The following PGBD5 variants were observed in gnomAD, a reference collection of about 807,000 sequenced individuals.
The protein encoded by PGBD5 is piggyBac transposable element-derived protein 5.
In PGBD5, 14 loss-of-function variants were observed where a neutral mutation model predicts 47.9. The ratio of observed to expected loss-of-function variants is 0.29; its 90% CI spans 0.19 to 0.46. The LOEUF (loss-of-function observed/expected upper bound fraction) is 0.46, where lower values mean the gene tolerates loss of function less well. Among genes scored for constraint, PGBD5 ranks in the 20% least tolerant of loss-of-function variants. The pLI, the probability that PGBD5 is intolerant of heterozygous loss-of-function variation, is 1.00. For synonymous variants in PGBD5, 316 were observed against 306.3 expected, an observed-to-expected ratio of 1.03 and a Z score of -0.33; for missense variants, 635 against 716.0, an observed-to-expected ratio of 0.89 and a Z score of 1.29.
chr1:230,328,008 C>T (rs1345081504), intron 5 of PGBD5, among the ~76,000 whole-genome samples: 1 of 152,210 alleles, frequency 6.6e-6, no homozygotes, highest in East Asian at 1.9e-4. Context: ...TGAGACCATC[C>T]CTATAAAGAA....
At position 230,350,983 on chromosome 1, in the gene PGBD5, C is replaced by T; in HGVS notation, c.869G>A (p.Cys290Tyr). 1 of 1,614,126 alleles carries T rather than the reference C, an allele frequency of 6.2e-7. No individual in the cohort carries two copies. ...KRKFSLWVRQ[C>Y]SSTGFIIQIY... ...CTGGATGATGAAGCCAGTGGAAGAA[C>T]ATTGTCTGACCCAGAGGCTGAATTT... Residue 290 changes from cysteine to tyrosine, a missense_variant, in exon 3 of 7, where the codon TGT becomes TAT. Coordinates refer to ENST00000391860, the MANE Select transcript of PGBD5 (RefSeq NM_001258311.2).
At chr1:230,363,142 C>T (rs575621468) in intron 1 of PGBD5, among the ~76,000 whole-genome samples, 29 of 152,288 alleles carry the variant, frequency 1.9e-4, no homozygotes, top group South Asian at 1.7e-3. Flanking sequence ...CACATGACCT[C>T]GCACACACAG....
chr1:230,424,883 C>A (rs930693415), intron 1 of PGBD5, among the ~76,000 whole-genome samples: 1 of 152,232 alleles, frequency 6.6e-6, no homozygotes, highest in African/African-American at 2.4e-5. Flanking sequence ...CAGCTGCCAG[C>A]ACCCTAGCCA....
At chr1:230,388,507 C>T (rs1034839046) in intron 1 of PGBD5, among the ~76,000 whole-genome samples, 5 of 151,856 alleles carry the variant, frequency 3.3e-5, no homozygotes, top group African/African-American at 1.2e-4. Flanking sequence ...GCTCTGCCTC[C>T]TGGGTTCACG....
At chr1:230,359,492 T>G (rs181446766) in intron 1 of PGBD5, among the ~76,000 whole-genome samples, 20 of 152,296 alleles carry the variant, frequency 1.3e-4, no homozygotes, top group African/African-American at 4.3e-4. Flanking sequence ...TTAAGAGAGA[T>G]AATGTGTATG....
rs1352211855 is a variant in PGBD5 at position 230,318,582 on chromosome 1, C to G, written c.*4843G>C. The stretch of plus-strand genomic sequence containing the variant: ...TCTTTCGTTTGGAACTCCCACTACA[C>G]AAGGCTAAGGCTTTCCACAGCCAAA... On this transcript the variant is annotated 3_prime_UTR_variant, in exon 7 of 7. Transcript: ENST00000391860. 6.6e-6 allele frequency: 1 copy of G among 152,270 alleles called. No homozygotes were observed. Among genetic ancestry groups the G allele is most frequent in the East Asian group, 1.9e-4 (1 of 5,184 alleles). 9.4% of individuals were successfully genotyped at this position (152,270 alleles called of 1,614,324 possible).
chr1:230,355,379 A>G (rs570588497), intron 2 of PGBD5, among the ~76,000 whole-genome samples: 2 of 152,356 alleles, frequency 1.3e-5, no homozygotes, highest in South Asian at 4.1e-4. Context: ...ATACCTCTTG[A>G]GAGATACTTA....
At chr1:230,362,364 T>C (rs747102933) in intron 1 of PGBD5, 2 of 1,366,420 alleles carry the variant, frequency 1.5e-6, no homozygotes, top group Middle Eastern at 2.1e-4. Context: ...TCCACAGCTG[T>C]CGCTGCCTCT....
intron 1 of PGBD5, among the ~76,000 whole-genome samples, chr1:230,377,889 A>G (rs1668038845): frequency 6.6e-6 from 1 of 152,208 alleles, no homozygotes; most frequent in Non-Finnish European, 1.5e-5. Flanking sequence ...GCTCTTTCTT[A>G]AAGACCAGTG....
chr1:230,405,194 CAAA>C (rs572023424), intron 1 of PGBD5, among the ~76,000 whole-genome samples: 1 of 120,066 alleles, frequency 8.3e-6, no homozygotes, highest in African/African-American at 3.1e-5. Flanking sequence ...GACTCCACCT[CAAA>C]AAAAAAAAAA....
At chr1:230,393,256 G>A (rs1030632452) in intron 1 of PGBD5, among the ~76,000 whole-genome samples, 5 of 142,874 alleles carry the variant, frequency 3.5e-5, no homozygotes, top group African/African-American at 1.3e-4. Context: ...AGAAGAGCAG[G>A]GAAAAGGGGG....
chr1:230,346,822 A>G (rs1667479859), intron 3 of PGBD5, among the ~76,000 whole-genome samples: 1 of 152,102 alleles, frequency 6.6e-6, no homozygotes, highest in African/African-American at 2.4e-5. Context: ...ATGTCGATGA[A>G]TATTTTTAAC....
At chr1:230,327,764 C>T (rs1026014982) in intron 5 of PGBD5, among the ~76,000 whole-genome samples, 2 of 152,242 alleles carry the variant, frequency 1.3e-5, no homozygotes, top group Non-Finnish European at 1.5e-5. Context: ...CAAGGACTGC[C>T]GTCTCTCTCC....
rs1424930635 is a variant in PGBD5, at chr1:230,316,817, G to GCCTT, written c.*6604_*6607dup. The GCCTT allele has an allele frequency of 6.6e-6, 1 of 152,182 alleles. No homozygotes were observed. The highest frequency in any genetic ancestry group is 1.5e-5 in the Non-Finnish European group (1 of 68,062). The allele number at this position is 152,182 out of a possible 1,614,324, so 9.4% of individuals were successfully genotyped here. On this transcript the variant is annotated 3_prime_UTR_variant, in exon 7 of 7. Transcript: ENST00000391860. ...AACTTATTCATGTTTAAGAGCTAGA[G>GCCTT]CCTTCCTTTTGGCTTGGGCATGACC...
chr1:230,382,067 C>T (rs1033793015), intron 1 of PGBD5, among the ~76,000 whole-genome samples: 4 of 148,046 alleles, frequency 2.7e-5, no homozygotes, highest in Admixed American at 1.3e-4. Context: ...TACTGTTGGA[C>T]GTTAGTACTG....
intron 3 of PGBD5, among the ~76,000 whole-genome samples, chr1:230,346,310 G>A (rs1008044465): frequency 1.9e-4 from 29 of 152,126 alleles, no homozygotes; most frequent in African/African-American, 7.0e-4. Flanking sequence ...CAAAGTGCTG[G>A]GATTACAGGT....
chr1:230,346,480 G>A lies in PGBD5; in HGVS notation c.894+4478C>T, dbSNP rs561362558. On this transcript the variant is annotated intron_variant, in intron 3 of 6. Coordinates refer to ENST00000391860, the MANE Select transcript of PGBD5 (RefSeq NM_001258311.2). Reference sequence around the variant, plus strand: ...TAGCAGTGGAACCCGACCAGCCTGGGTAAATAGCAGTGGGAAAGCCAAATA... The same window carrying A: ...TAGCAGTGGAACCCGACCAGCCTGGATAAATAGCAGTGGGAAAGCCAAATA... Among the ~76,000 whole-genome samples the A allele has an allele frequency of 2.6e-5, 4 of 152,316 alleles. No individual in the cohort carries two copies. The East Asian group carries it at 7.7e-4, about 29-fold the overall frequency.
chr1:230,384,626 G>A (rs368437481), intron 1 of PGBD5, among the ~76,000 whole-genome samples: 3 of 152,102 alleles, frequency 2.0e-5, no homozygotes, highest in South Asian at 2.1e-4. Context: ...TAAACAAAAC[G>A]TAAAGGATAG....
At chr1:230,368,705 G>C (rs2632570) in intron 1 of PGBD5, among the ~76,000 whole-genome samples, 97,162 of 152,148 alleles carry the variant, frequency 0.64, 32,219 homozygotes, top group Non-Finnish European at 0.74. Context: ...GGACAGGGTC[G>C]GTAATGCCTG....
Sources: gnomAD v4.1 joint callset for allele counts (sites outside exome capture counted in the v4.1 genomes callset) on GRCh38, gnomAD v4.1.1 for gene constraint, MANE v1.5 for transcripts, NCBI Gene and HGNC (gene_info 2026-07-23, HGNC 2026-07-21) for gene names.